RGS7: variants seen among roughly 807,000 people sequenced by gnomAD.
The protein encoded by RGS7 is regulator of G-protein signaling 7.
In RGS7, 27 loss-of-function variants were observed where a neutral mutation model predicts 81.1. That is an observed-to-expected ratio of 0.33 (90% CI 0.25 to 0.46). RGS7 has a LOEUF of 0.46. Ranked by LOEUF, RGS7 falls within the 20% of genes least tolerant of loss-of-function variation. The pLI is 1.00. For synonymous variants in RGS7, 208 were observed against 207.7 expected (o/e 1.00, Z -0.01); for missense variants, 396 against 607.4 (o/e 0.65, Z 3.66).
chr1:241,130,374 A>T, intron 2 of RGS7, among the ~76,000 whole-genome samples: 1 of 152,150 alleles, frequency 6.6e-6, no homozygotes, highest in South Asian at 2.1e-4. Context: ...CTCTGAACCA[A>T]TGCTTTTAAC....
At chr1:241,037,467 T>TCCCAG (rs2060388198) in intron 3 of RGS7, among the ~76,000 whole-genome samples, 1 of 152,134 alleles carries the variant, frequency 6.6e-6, no homozygotes, top group Admixed American at 6.5e-5. Flanking sequence ...ATGCCTGTAA[T>TCCCAG]CCCAGCACTT....
At chr1:241,261,452 TC>T (rs1158434157) in intron 2 of RGS7, among the ~76,000 whole-genome samples, 3 of 151,360 alleles carry the variant, frequency 2.0e-5, no homozygotes, top group Non-Finnish European at 4.4e-5. Context: ...AAACCCAGTC[TC>T]TACTAAAAAA....
At chr1:241,156,175 T>TAGATAC (rs1197309050) in intron 2 of RGS7, among the ~76,000 whole-genome samples, 2 of 150,672 alleles carry the variant, frequency 1.3e-5, no homozygotes, top group Admixed American at 1.3e-4. Flanking sequence ...GATAGATACA[T>TAGATAC]ATACATAGAC....
intron 6 of RGS7, among the ~76,000 whole-genome samples, chr1:240,898,384 A>G (rs1669440260): frequency 1.3e-5 from 2 of 152,192 alleles, no homozygotes; most frequent in South Asian, 4.2e-4. Context: ...TACGGTGTCA[A>G]TTTTACATCT....
intron 6 of RGS7, among the ~76,000 whole-genome samples, chr1:240,923,745 C>T (rs77668862): frequency 0.021 from 3,189 of 150,020 alleles, 50 homozygotes; most frequent in African/African-American, 0.044. Flanking sequence ...TTTGTCTTAA[C>T]GGAATGGATA....
chr1:240,885,186 C>G (rs968576713), intron 6 of RGS7, among the ~76,000 whole-genome samples: 1 of 152,180 alleles, frequency 6.6e-6, no homozygotes, highest in African/African-American at 2.4e-5. Flanking sequence ...AAATGCAAAT[C>G]AAAACCACAA....
In RGS7 at chr1:241,169,668, A is replaced by G. The variant is rs971760270; in HGVS notation, c.79-70906T>C. Among the ~76,000 whole-genome samples the G allele has an allele frequency of 5.5e-4, 84 of 152,112 alleles. 1 individual carries two copies. The highest frequency in any genetic ancestry group is 1.9e-3 in the African/African-American group (77 of 41,422). ...CTGTATATGTGTTTCTTTAGGCTAT[A>G]ATTGAAAACAGAATATTGCTACTTT... On this transcript the variant is annotated intron_variant, in intron 2 of 18. Coordinates refer to ENST00000440928, the MANE Select transcript of RGS7 (RefSeq NM_001364886.1).
intron 2 of RGS7, among the ~76,000 whole-genome samples, chr1:241,169,621 G>A (rs1226421978): frequency 6.6e-6 from 1 of 152,030 alleles, no homozygotes; most frequent in Non-Finnish European, 1.5e-5. Context: ...GGGATTACAG[G>A]CGTGAACCAC....
At chr1:240,808,651 G>A (rs938211517) in intron 14 of RGS7, among the ~76,000 whole-genome samples, 3 of 152,090 alleles carry the variant, frequency 2.0e-5, no homozygotes, top group Non-Finnish European at 4.4e-5. Context: ...TCCCTCACAC[G>A]GTCTTTCTAA....
At chr1:241,162,527 G>A (rs2069810358) in intron 2 of RGS7, among the ~76,000 whole-genome samples, 1 of 152,174 alleles carries the variant, frequency 6.6e-6, no homozygotes, top group Non-Finnish European at 1.5e-5. Flanking sequence ...TGGGGCACTG[G>A]ATCTCTCAAG....
rs547457003 is a variant in RGS7, at chr1:241,001,798, C to CA, written c.176-18670dup. On this transcript the variant is annotated intron_variant, in intron 3 of 18. Coordinates refer to ENST00000440928, the MANE Select transcript of RGS7 (RefSeq NM_001364886.1). ...GGGTGGAAGAGATGAACAGGTAGAG[C>CA]ATAGAGGATTGTTAGGGCACTGAAA... 2.9e-3 allele frequency among the ~76,000 whole-genome samples: 436 copies of CA among 152,224 alleles called. 2 individuals are homozygous for CA. Among genetic ancestry groups the CA allele is most frequent in the Non-Finnish European group, 3.9e-3 (267 of 68,022 alleles).
At chr1:241,226,457 A>G (rs150814627) in intron 2 of RGS7, among the ~76,000 whole-genome samples, 1 of 152,298 alleles carries the variant, frequency 6.6e-6, no homozygotes, top group Admixed American at 6.5e-5. Flanking sequence ...AAAGGATTGG[A>G]AGTACTACAC....
chr1:241,343,124 T>C (rs953939156), intron 2 of RGS7, among the ~76,000 whole-genome samples: 7 of 151,984 alleles, frequency 4.6e-5, no homozygotes, highest in Non-Finnish European at 1.0e-4. Context: ...TAGTCAGGCA[T>C]GGTGGTGCGC....
intron 2 of RGS7, among the ~76,000 whole-genome samples, chr1:241,106,483 G>C (rs2065104912): frequency 6.6e-6 from 1 of 152,032 alleles, no homozygotes. Context: ...GGAAGCCGAG[G>C]CCAACGGATC....
chr1:240,893,726 A>C (rs916139416), intron 6 of RGS7, among the ~76,000 whole-genome samples: 2 of 152,338 alleles, frequency 1.3e-5, no homozygotes, highest in Non-Finnish European at 2.9e-5. Context: ...TCTATTTTGC[A>C]ACTTCCATTG....
intron 4 of RGS7, among the ~76,000 whole-genome samples, chr1:240,945,836 CA>C (rs754118211): frequency 1.3e-5 from 2 of 152,076 alleles, no homozygotes; most frequent in Non-Finnish European, 2.9e-5. Flanking sequence ...ATGTATTTAT[CA>C]ATTTTTATTT....
chr1:241,244,474 G>C (rs1255849024), intron 2 of RGS7, among the ~76,000 whole-genome samples: 2 of 152,162 alleles, frequency 1.3e-5, no homozygotes, highest in African/African-American at 4.8e-5. Flanking sequence ...TGGAGAGGAT[G>C]TGGAGAAATA....
intron 4 of RGS7, among the ~76,000 whole-genome samples, chr1:240,979,604 G>A (rs1684637608): frequency 6.6e-6 from 1 of 152,208 alleles, no homozygotes; most frequent in South Asian, 2.1e-4. Context: ...AGGCACTGGA[G>A]AAGTGAGTGT....
At chr1:241,032,108 G>T (rs1378495710) in intron 3 of RGS7, among the ~76,000 whole-genome samples, 1 of 152,212 alleles carries the variant, frequency 6.6e-6, no homozygotes, top group Admixed American at 6.5e-5. Context: ...TATAGTTTCA[G>T]GTCTTACATT....
Sources: allele counts gnomAD v4.1 joint callset (sites outside exome capture counted in the v4.1 genomes callset), GRCh38; gene constraint gnomAD v4.1.1; transcripts MANE v1.5; gene names NCBI Gene and HGNC (gene_info 2026-07-23, HGNC 2026-07-21).